The following SLC39A11 variants were observed in gnomAD, a reference collection of about 807,000 sequenced individuals.
SLC39A11 encodes solute carrier family 39 member 11.
A neutral mutation model predicts 36.1 loss-of-function variants in SLC39A11; 33 were observed. The ratio of observed to expected loss-of-function variants is 0.91; its 90% CI spans 0.69 to 1.22. The LOEUF (loss-of-function observed/expected upper bound fraction) is 1.22. Among genes scored for constraint, SLC39A11 ranks in the 50% most tolerant of loss-of-function variants. The probability of loss-of-function intolerance (pLI) is 0.00; values close to 1 mark genes in which losing one functional copy is unlikely to be tolerated. For synonymous variants in SLC39A11, 166 were observed against 170.3 expected (o/e 0.97, Z 0.20); for missense variants, 432 against 430.3 (o/e 1.00, Z -0.03).
chr17:72,708,879 C>T (rs564977013), intron 7 of SLC39A11, among the ~76,000 whole-genome samples: 11 of 152,308 alleles, frequency 7.2e-5, no homozygotes, highest in Non-Finnish European at 1.0e-4. Context: ...CAACTCATAA[C>T]GCATGAACTT....
chr17:72,814,732 C>G lies in SLC39A11; in HGVS notation c.601+34902G>C, dbSNP rs147178177. On this transcript the variant is annotated intron_variant, in intron 6 of 9. Coordinates refer to ENST00000255559, the MANE Select transcript of SLC39A11 (RefSeq NM_139177.4). ...CTAATAGCATCTGTGCAGAGAGGAT[C>G]ACCTGGGGCTGGGGGGACCCCAAGA... Among the ~76,000 whole-genome samples the G allele has an allele frequency of 2.5e-3, 387 of 152,164 alleles. 3 individuals are homozygous for G. Among genetic ancestry groups the G allele is most frequent in the African/African-American group, 8.7e-3 (362 of 41,418 alleles).
At chr17:73,084,943 A>T (rs1413974934) in intron 2 of SLC39A11, 97 bp from the exon 3 acceptor site, 4 of 1,253,396 alleles carry the variant, frequency 3.2e-6, no homozygotes, top group Non-Finnish European at 4.7e-6. Context: ...AGCCACGCAA[A>T]TAAAGACTGG....
intron 7 of SLC39A11, among the ~76,000 whole-genome samples, chr17:72,657,527 C>T (rs868620232): frequency 6.6e-6 from 1 of 152,198 alleles, no homozygotes; most frequent in South Asian, 2.1e-4. Context: ...TTAGAATGTA[C>T]AGGCCAATAT....
At chr17:72,784,627 G>A (rs1215840517) in intron 6 of SLC39A11, among the ~76,000 whole-genome samples, 2 of 152,018 alleles carry the variant, frequency 1.3e-5, no homozygotes, top group South Asian at 2.1e-4. Context: ...CTAATGGGTT[G>A]GTGCTGTGGT....
intron 6 of SLC39A11, among the ~76,000 whole-genome samples, chr17:72,746,042 G>A (rs118146603): frequency 0.035 from 5,346 of 152,296 alleles, 124 homozygotes; most frequent in Middle Eastern, 0.078. Flanking sequence ...ATGCTTGAGA[G>A]AGGAGGGCTT....
chr17:73,088,218 C>T (rs947558291), intron 2 of SLC39A11, among the ~76,000 whole-genome samples: 2 of 148,398 alleles, frequency 1.3e-5, no homozygotes, highest in African/African-American at 2.5e-5. Flanking sequence ...CACTTGAACC[C>T]GGGAGGTGGA....
At chr17:72,800,067 T>C (rs2077032501) in intron 6 of SLC39A11, among the ~76,000 whole-genome samples, 1 of 151,946 alleles carries the variant, frequency 6.6e-6, no homozygotes, top group Non-Finnish European at 1.5e-5. Flanking sequence ...CCGACACTTA[T>C]GGAAAATAGA....
rs183257426 is a variant in SLC39A11, at chr17:72,845,867, T to C, written c.601+3767A>G. On this transcript the variant is annotated intron_variant, in intron 6 of 9. Transcript: ENST00000255559. ...ATGCTTCTGGTGAAATCTAACTCAA[T>C]TGAGATTCCTGGAAGGCACTCAATC... is the stretch of plus-strand genomic sequence containing the variant. Among the ~76,000 whole-genome samples, 30 of 152,304 alleles carry C rather than the reference T, an allele frequency of 2.0e-4. 1 individual carries two copies. Among genetic ancestry groups the C allele is most frequent in the Non-Finnish European group, 3.2e-4 (22 of 68,020 alleles).
chr17:72,837,867 G>T, intron 6 of SLC39A11: 1 of 1,023,986 alleles, frequency 9.8e-7, no homozygotes. Flanking sequence ...AAGTAGATTA[G>T]TGCAGGGGCT....
chr17:72,966,975 A>G (rs1362477626), intron 4 of SLC39A11, among the ~76,000 whole-genome samples: 2 of 152,112 alleles, frequency 1.3e-5, no homozygotes, highest in South Asian at 2.1e-4. Flanking sequence ...CATGAGCCCT[A>G]TTGTGAACTG....
chr17:72,774,336 A>C (rs376355356), intron 6 of SLC39A11, among the ~76,000 whole-genome samples: 2 of 152,186 alleles, frequency 1.3e-5, no homozygotes, highest in African/African-American at 2.4e-5. Flanking sequence ...TGAGAAATTA[A>C]TGGCTTGGGA....
At chr17:73,005,307 C>A (rs1439364528) in intron 4 of SLC39A11, among the ~76,000 whole-genome samples, 1 of 152,154 alleles carries the variant, frequency 6.6e-6, no homozygotes, top group East Asian at 1.9e-4. Flanking sequence ...TAAGCCTGAA[C>A]CCACAACTTG....
chr17:72,816,908 T>C (rs2077601339), intron 6 of SLC39A11, among the ~76,000 whole-genome samples: 1 of 152,218 alleles, frequency 6.6e-6, no homozygotes, highest in African/African-American at 2.4e-5. Flanking sequence ...TTAATATGTA[T>C]GCAAATAGTT....
At chr17:73,021,099 C>T (rs2058337044) in intron 4 of SLC39A11, among the ~76,000 whole-genome samples, 2 of 152,138 alleles carry the variant, frequency 1.3e-5, no homozygotes, top group South Asian at 2.1e-4. Context: ...CTGACACCAG[C>T]CAGAACTGTT....
At chr17:72,651,864 C>T (rs1213078495) in intron 7 of SLC39A11, among the ~76,000 whole-genome samples, 2 of 152,194 alleles carry the variant, frequency 1.3e-5, no homozygotes, top group East Asian at 3.8e-4. Context: ...CAGCCCAGGA[C>T]ATGTCCACAA....
intron 6 of SLC39A11, among the ~76,000 whole-genome samples, chr17:72,835,235 A>G (rs2078475373): frequency 6.6e-6 from 1 of 152,212 alleles, no homozygotes; most frequent in South Asian, 2.1e-4. Flanking sequence ...ATGTTTTCAA[A>G]CTCCTGCAGT....
intron 4 of SLC39A11, among the ~76,000 whole-genome samples, chr17:72,952,705 C>G (rs920978171): frequency 1.3e-5 from 2 of 152,164 alleles, no homozygotes; most frequent in South Asian, 2.1e-4. Flanking sequence ...CTCTGCAATG[C>G]CTTTCTATCC....
rs139015039 is a variant in SLC39A11, at chr17:72,729,214, C to T, written c.671+7436G>A. On this transcript the variant is annotated intron_variant, in intron 7 of 9. Coordinates refer to ENST00000255559, the MANE Select transcript of SLC39A11 (RefSeq NM_139177.4). ...GCTGAGTAATGCACCTGTTTCTTTC[C>T]TGCCTCAATCCAATCCTTTATTTAT... 7.8e-3 allele frequency among the ~76,000 whole-genome samples: 1,177 copies of T among 151,160 alleles called. 18 individuals carry two copies. The highest frequency in any genetic ancestry group is 0.027 in the African/African-American group (1,111 of 41,234).
intron 4 of SLC39A11, among the ~76,000 whole-genome samples, chr17:73,026,816 T>C (rs1461152203): frequency 6.6e-6 from 1 of 151,956 alleles, no homozygotes; most frequent in Non-Finnish European, 1.5e-5. Context: ...AAATCACTGT[T>C]TTAAACTGAA....
Sources: allele counts gnomAD v4.1 joint callset (sites outside exome capture counted in the v4.1 genomes callset), GRCh38; gene constraint gnomAD v4.1.1; transcripts MANE v1.5; gene names NCBI Gene and HGNC (gene_info 2026-07-23, HGNC 2026-07-21).